Variants in ZNF462 observed in about 807,000 individuals in gnomAD.
ZNF462 encodes the protein zinc finger PBX1-interacting protein.
A neutral mutation model predicts 201.9 loss-of-function variants in ZNF462; 10 were observed. The observed-to-expected ratio is 0.05, with a 90% CI of 0.03 to 0.08. The LOEUF is 0.08. Ranked by LOEUF, ZNF462 falls within the 10% of genes least tolerant of loss-of-function variation. The pLI is 1.00. For missense variants in ZNF462, 2,523 were observed against 3,168.3 expected, an observed-to-expected ratio of 0.80 and a Z score of 4.89; for synonymous variants, 1,227 against 1,193.3, an observed-to-expected ratio of 1.03 and a Z score of -0.58.
chr9:106,941,723 T>A (rs1010725000), intron 7 of ZNF462, among the ~76,000 whole-genome samples: 4 of 152,246 alleles, frequency 2.6e-5, no homozygotes, highest in Admixed American at 2.0e-4. Context: ...GAATGAATAA[T>A]TCTGTGGAAA....
Position 106,880,921 on chromosome 9 carries a change from G to C in ZNF462, c.-31+17566G>C, listed in dbSNP as rs895871098. 6.6e-6 allele frequency among the ~76,000 whole-genome samples: 1 copy of C among 152,176 alleles called. No individual in the cohort carries two copies. The highest frequency in any genetic ancestry group is 6.5e-5 in the Admixed American group (1 of 15,284). On this transcript the variant is annotated intron_variant, in intron 1 of 12. Transcript: ENST00000277225. The surrounding 1 kb of genome is among the most constrained non-coding windows in gnomAD (Gnocchi z 4.1). ...TGATAGATACAAATAGTTTCTTTAA[G>C]AATTCTGATTCCTACAAAACAATAT... is the stretch of plus-strand genomic sequence containing the variant.
rs1432392544 is a variant in ZNF462, at chr9:106,905,877, C to T, written c.-30-17477C>T. ...TTCCACACCTGTGTAGTCTGCACGC[C>T]GGATTTATGCCCTCCCCGGAGTTCT... On this transcript the variant is annotated intron_variant, in intron 1 of 12. Coordinates refer to ENST00000277225, the MANE Select transcript of ZNF462 (RefSeq NM_021224.6). The surrounding 1 kb of genome is among the most constrained non-coding windows in gnomAD (Gnocchi z 5.9). Among the ~76,000 whole-genome samples the T allele has an allele frequency of 2.0e-5, 3 of 152,026 alleles. No individual in the cohort carries two copies. Among genetic ancestry groups the T allele is most frequent in the Admixed American group, 1.3e-4 (2 of 15,260 alleles).
At chr9:106,973,155 CATAG>C (rs1387648043) in intron 8 of ZNF462, among the ~76,000 whole-genome samples, 1 of 151,830 alleles carries the variant, frequency 6.6e-6, no homozygotes. Flanking sequence ...GTAATAATAT[CATAG>C]ATAGAAAGCT....
At position 106,932,279 on chromosome 9, in the gene ZNF462, C is replaced by A; in HGVS notation, c.6013-167C>A. The A allele has an allele frequency of 6.4e-7, 1 of 1,551,246 alleles. No homozygotes were observed. On this transcript the variant is annotated intron_variant, in intron 4 of 12. Transcript: ENST00000277225. This position sits in a 1 kb window ranked among gnomAD's most constrained non-coding sequence, Gnocchi z 6.8. ...TTCTCTTAGCAGGAGGCGGATGACC[C>A]TGCCCACTTGTTCCTGGATGGATTG...
rs772868229 is a variant in ZNF462, at chr9:106,927,366, C to T, written c.3454C>T (p.Pro1152Ser). Residue 1152 changes from proline to serine, a missense_variant, in exon 3 of 13, where the codon CCC becomes TCC. Pro to Ser is a moderately conservative substitution (Grantham distance 74, BLOSUM62 -1). Transcript: ENST00000277225. ...TGCCAAATATATCAGACAGGCTCCT[C>T]CCACAGCTGCAATGATGAGAGGGGT... ...VTAKYIRQAPPTAAMMRGVEG... is the reference protein window; with the variant it reads ...VTAKYIRQAPSTAAMMRGVEG... 8 of 1,614,040 alleles carry T rather than the reference C, an allele frequency of 5.0e-6. No homozygotes were observed. The South Asian group carries it at 6.6e-5, about 13-fold the overall frequency.
In ZNF462 at chr9:106,927,168, G is replaced by C; in HGVS notation, c.3256G>C (p.Gly1086Arg). ...CCTTTCTCAATTATCATTTGAGGTG[G>C]GTGCTCCAATGTCTCCCAAAATGTC... is the stretch of plus-strand genomic sequence containing the variant. ...SALSQLSFEV[G>R]APMSPKMSNM... is the part of the protein sequence containing the mutation. The change falls in exon 3 of 13, where the codon GGT becomes CGT. Residue 1086 changes from glycine to arginine, a missense_variant. Gly to Arg is a moderately radical substitution (Grantham distance 125). This residue lies in a region of ZNF462 where 280 missense variants were observed against 321.3 expected (regional missense o/e 0.87). Transcript: ENST00000277225. 1 of 1,613,932 alleles carries C rather than the reference G, an allele frequency of 6.2e-7. No individual in the cohort carries two copies. Among genetic ancestry groups the C allele is most frequent in the Non-Finnish European group, 8.5e-7 (1 of 1,180,002 alleles).
rs1260455062 is a variant in ZNF462, at chr9:106,885,850, C to G, written c.-31+22495C>G. Among the ~76,000 whole-genome samples, 1 of 152,148 alleles carries G rather than the reference C, an allele frequency of 6.6e-6. No individual in the cohort carries two copies. Among genetic ancestry groups the G allele is most frequent in the Admixed American group, 6.5e-5 (1 of 15,274 alleles). ...GAGCCCACCTGATTCTTAAGAGTTTCCAGTTCCTCTATCCCTATTCCCTGT... is the reference window on the plus strand; with the variant it reads ...GAGCCCACCTGATTCTTAAGAGTTTGCAGTTCCTCTATCCCTATTCCCTGT... On this transcript the variant is annotated intron_variant, in intron 1 of 12. Coordinates refer to ENST00000277225, the MANE Select transcript of ZNF462 (RefSeq NM_021224.6). The surrounding 1 kb of genome is among the most constrained non-coding windows in gnomAD (Gnocchi z 4.1).
chr9:106,992,904 G>C (rs902539788), intron 10 of ZNF462, among the ~76,000 whole-genome samples: 1 of 152,040 alleles, frequency 6.6e-6, no homozygotes. Context: ...TTCAATAAAT[G>C]TTAATTTCCT....
chr9:106,973,972 A>G (rs375053345), intron 8 of ZNF462, among the ~76,000 whole-genome samples, 165 bp from the exon 9 acceptor site: 2 of 151,744 alleles, frequency 1.3e-5, no homozygotes, highest in East Asian at 3.9e-4. Flanking sequence ...CGGTTGAGTG[A>G]CCAAGTTTCT....
rs150281578 is a variant in ZNF462 at position 106,929,173 on chromosome 9, C to T, written c.5261C>T (p.Pro1754Leu). Residue 1754 changes from proline to leucine, a missense_variant, in exon 3 of 13, where the codon CCT becomes CTT. Coordinates refer to ENST00000277225, the MANE Select transcript of ZNF462 (RefSeq NM_021224.6). This position sits in a 1 kb window ranked among gnomAD's most constrained non-coding sequence, Gnocchi z 8.7. The part of the protein sequence containing the change: ...IIPSPPKDDS[P>L]QLSEELRRAV... Reference sequence around the variant, plus strand: ...CCATCCCCGCCCAAGGACGACTCCCCTCAGCTGAGCGAGGAACTCCGGCGG... The same window carrying T: ...CCATCCCCGCCCAAGGACGACTCCCTTCAGCTGAGCGAGGAACTCCGGCGG... The T allele has an allele frequency of 3.5e-5, 57 of 1,614,062 alleles. No individual in the cohort carries two copies. Among genetic ancestry groups the T allele is most frequent in the Non-Finnish European group, 4.7e-5 (55 of 1,180,040 alleles).
rs1828176990 is a variant in ZNF462 at position 106,883,164 on chromosome 9, A to G, written c.-31+19809A>G. Among the ~76,000 whole-genome samples, 1 of 152,198 alleles carries G rather than the reference A, an allele frequency of 6.6e-6. No individual in the cohort carries two copies. The highest frequency in any genetic ancestry group is 6.5e-5 in the Admixed American group (1 of 15,280). On this transcript the variant is annotated intron_variant, in intron 1 of 12. Coordinates refer to ENST00000277225, the MANE Select transcript of ZNF462 (RefSeq NM_021224.6). This position sits in a 1 kb window ranked among gnomAD's most constrained non-coding sequence, Gnocchi z 4.9. ...CATGGGTCCTGTTAGTCCCAACCTC[A>G]CTGAAGGACATATTCTGAAGAGCCA...
intron 7 of ZNF462, among the ~76,000 whole-genome samples, chr9:106,961,266 T>C (rs957658427): frequency 3.3e-5 from 5 of 152,140 alleles, no homozygotes; most frequent in African/African-American, 1.2e-4. Flanking sequence ...TTTTGGCTTA[T>C]AGCTGATTTA....
At position 106,950,949 on chromosome 9, in the gene ZNF462, G is replaced by T. The variant is rs184879334; in HGVS notation, c.6427+11842G>T. Among the ~76,000 whole-genome samples the T allele has an allele frequency of 1.3e-5, 2 of 152,062 alleles. No homozygotes were observed. The highest frequency in any genetic ancestry group is 2.4e-5 in the African/African-American group (1 of 41,378). On this transcript the variant is annotated intron_variant, in intron 7 of 12. Coordinates refer to ENST00000277225, the MANE Select transcript of ZNF462 (RefSeq NM_021224.6). The surrounding 1 kb of genome is among the most constrained non-coding windows in gnomAD (Gnocchi z 4.1). ...TACTAAAAATACAAAAATTAGCCAG[G>T]CTTGGTGGCGAGCGCCTGTAATTCC...
In ZNF462 at chr9:106,905,945, A is replaced by G. The variant is rs963208517; in HGVS notation, c.-30-17409A>G. Among the ~76,000 whole-genome samples, 1 of 152,204 alleles carries G rather than the reference A, an allele frequency of 6.6e-6. No homozygotes were observed. Among genetic ancestry groups the G allele is most frequent in the African/African-American group, 2.4e-5 (1 of 41,458 alleles). Reference sequence around the variant, plus strand: ...CCACGTTTAAATTGTTACAAAGTTCAGCTACAGAGTTCCTTCTCCCTGTGG... The same window carrying G: ...CCACGTTTAAATTGTTACAAAGTTCGGCTACAGAGTTCCTTCTCCCTGTGG... On this transcript the variant is annotated intron_variant, in intron 1 of 12. Transcript: ENST00000277225. This position sits in a 1 kb window ranked among gnomAD's most constrained non-coding sequence, Gnocchi z 5.9.
rs1363217375 is a variant in ZNF462 at position 106,927,422 on chromosome 9, C to T, written c.3510C>T (p.Pro1170=). 14 of 1,613,924 alleles carry T rather than the reference C, an allele frequency of 8.7e-6. No individual in the cohort carries two copies. The highest frequency in any genetic ancestry group is 4.5e-5 in the East Asian group (2 of 44,876). The change falls in exon 3 of 13, where the codon CCC becomes CCT. Residue 1170 remains proline, a synonymous_variant. Transcript: ENST00000277225. ...GGCCCCAAGGCTCCCCCCGGCCACC[C>T]GCCCCCATACAACAGCTGAACCGAA... The part of the protein sequence containing the change: ...VEGPQGSPRP[P]APIQQLNRSS...
At position 106,905,742 on chromosome 9, in the gene ZNF462, G is replaced by A. The variant is rs1408915541; in HGVS notation, c.-30-17612G>A. Reference sequence around the variant, plus strand: ...ATGAAGGGCTGGTCTCACTCTCACCGTGACCCCCGCAACAGCCCCGAGTCT... The same window carrying A: ...ATGAAGGGCTGGTCTCACTCTCACCATGACCCCCGCAACAGCCCCGAGTCT... On this transcript the variant is annotated intron_variant, in intron 1 of 12. Transcript: ENST00000277225. The surrounding 1 kb of genome is among the most constrained non-coding windows in gnomAD (Gnocchi z 5.9). Among the ~76,000 whole-genome samples the A allele has an allele frequency of 2.0e-5, 3 of 152,160 alleles. No homozygotes were observed. Among genetic ancestry groups the A allele is most frequent in the Non-Finnish European group, 2.9e-5 (2 of 68,034 alleles).
intron 1 of ZNF462, among the ~76,000 whole-genome samples, chr9:106,888,622 C>T (rs1828435026): frequency 6.6e-6 from 1 of 152,154 alleles, no homozygotes; most frequent in African/African-American, 2.4e-5. Context: ...CAGATAGCTC[C>T]GTATATGCAG....
intron 7 of ZNF462, among the ~76,000 whole-genome samples, chr9:106,959,224 T>C (rs537451381): frequency 1.6e-4 from 25 of 152,156 alleles, no homozygotes; most frequent in African/African-American, 4.8e-4. Context: ...CTGCCATAAG[T>C]AGCAGTGCAT....
chr9:106,907,023 G>T (rs992548266), intron 1 of ZNF462, among the ~76,000 whole-genome samples: 1 of 151,984 alleles, frequency 6.6e-6, no homozygotes, highest in Admixed American at 6.6e-5. Context: ...ATCTTGAATT[G>T]CATCAAGTGC....
Sources: gnomAD v4.1 joint callset for allele counts (sites outside exome capture counted in the v4.1 genomes callset) on GRCh38, gnomAD v4.1.1 for gene constraint, gnomAD v4.1.1 regional missense constraint, Gnocchi (gnomAD v3.1) non-coding constraint, MANE v1.5 for transcripts, NCBI Gene and HGNC (gene_info 2026-07-23, HGNC 2026-07-21) for gene names.